The following TOPAZ1 variants were observed in gnomAD, a reference collection of about 807,000 sequenced individuals.
TOPAZ1 encodes the protein protein TOPAZ1.
A neutral mutation model predicts 172.2 loss-of-function variants in TOPAZ1; 66 were observed. The observed-to-expected ratio is 0.38, with a 90% confidence interval of 0.31 to 0.47. The LOEUF is 0.47. Among genes scored for constraint, TOPAZ1 ranks in the 20% least tolerant of loss-of-function variants. The pLI is 0.99. For synonymous variants in TOPAZ1, 681 were observed against 683.9 expected (o/e 1.00, Z 0.07); for missense variants, 1,822 against 1,972.4 (o/e 0.92, Z 1.44).
intron 19 of TOPAZ1, among the ~76,000 whole-genome samples, chr3:44,331,240 T>A (rs1700665071): frequency 6.6e-6 from 1 of 152,216 alleles, no homozygotes; most frequent in Non-Finnish European, 1.5e-5. Flanking sequence ...ACCAGTATTA[T>A]TTTTAAAATC....
Position 44,309,988 on chromosome 3 carries a change from G to C in TOPAZ1, c.4304G>C (p.Arg1435Thr). ...GSLDGAIWVM[R>T]ESEWIINTPL... ...CTAGATGGTGCCATTTGGGTAATGA[G>C]GGGTAAGTCCTGATATATGCAAGCA... The change falls in exon 16 of 20, where the codon AGG becomes ACG. Residue 1435 changes from arginine to threonine, a missense_variant and splice_region_variant. Arg to Thr is a moderately conservative substitution (Grantham distance 71). This residue lies in a region of TOPAZ1 where 333 missense variants were observed against 481.7 expected (regional missense o/e 0.69). Coordinates refer to ENST00000309765, the MANE Select transcript of TOPAZ1 (RefSeq NM_001145030.2). 6.5e-7 allele frequency: 1 copy of C among 1,547,584 alleles called. No homozygotes were observed. The highest frequency in any genetic ancestry group is 8.7e-7 in the Non-Finnish European group (1 of 1,145,964).
intron 2 of TOPAZ1, among the ~76,000 whole-genome samples, chr3:44,247,711 C>T (rs970929878): frequency 4.6e-5 from 7 of 151,994 alleles, no homozygotes; most frequent in African/African-American, 1.7e-4. Context: ...AGTGCAGTGG[C>T]GGATCTCGGC....
At position 44,242,353 on chromosome 3, in the gene TOPAZ1, A is replaced by C; in HGVS notation, c.300A>C (p.Leu100=). Residue 100 remains leucine, a synonymous_variant, in exon 1 of 20, where the codon CTA becomes CTC. Transcript: ENST00000309765. ...SPSDSSDPRG[L]EAAKEAELPL... ...CAGACTCGTCAGACCCGCGAGGCCT[A>C]GAAGCAGCAAAGGAGGCTGAACTCC... is the stretch of plus-strand genomic sequence containing the variant. The C allele has an allele frequency of 1.3e-6, 2 of 1,552,064 alleles. No individual in the cohort carries two copies. Among genetic ancestry groups the C allele is most frequent in the Non-Finnish European group, 1.7e-6 (2 of 1,147,104 alleles).
At chr3:44,253,763 T>C (rs981821644) in intron 2 of TOPAZ1, among the ~76,000 whole-genome samples, 2 of 152,240 alleles carry the variant, frequency 1.3e-5, no homozygotes, top group Admixed American at 1.3e-4. Flanking sequence ...TGGGAAAAAA[T>C]ACTTTGTTTT....
intron 8 of TOPAZ1, among the ~76,000 whole-genome samples, chr3:44,272,660 A>C (rs577487258): frequency 6.6e-6 from 1 of 152,216 alleles, no homozygotes; most frequent in East Asian, 1.9e-4. Context: ...CTCCTGGTTC[A>C]AGCGATTCTT....
At chr3:44,278,002 T>C (rs575253742) in intron 8 of TOPAZ1, among the ~76,000 whole-genome samples, 1 of 152,360 alleles carries the variant, frequency 6.6e-6, no homozygotes, top group Admixed American at 6.5e-5. Context: ...TTTATAGCAA[T>C]GCAAGAATGA....
chr3:44,265,485 G>T (rs774837284), intron 5 of TOPAZ1, among the ~76,000 whole-genome samples: 1 of 152,164 alleles, frequency 6.6e-6, no homozygotes, highest in Non-Finnish European at 1.5e-5. Context: ...GAACCCAGGA[G>T]GGGGAGGTTG....
chr3:44,251,380 C>A (rs1467591161), intron 2 of TOPAZ1, among the ~76,000 whole-genome samples: 1 of 152,182 alleles, frequency 6.6e-6, no homozygotes, highest in Non-Finnish European at 1.5e-5. Context: ...CATCAGCCTC[C>A]CAAATTGTGG....
At chr3:44,334,172 T>C (rs1575223766), downstream of TOPAZ1, among the ~76,000 whole-genome samples, 1 of 152,270 alleles carries the variant, frequency 6.6e-6, no homozygotes, top group Non-Finnish European at 1.5e-5. Flanking sequence ...ATTCCTCAGG[T>C]AAGGAGTTTT....
In TOPAZ1 at chr3:44,331,786, T is replaced by C; in HGVS notation, c.4860-6T>C. On this transcript the variant is annotated splice_region_variant and splice_polypyrimidine_tract_variant and intron_variant, in intron 19 of 19. Transcript: ENST00000309765. Reference sequence around the variant, plus strand: ...TTTCTGACTTTATGAGGTGTTCATTTTATAGGTGTGAAGACAACCAGTCTC... The same window carrying C: ...TTTCTGACTTTATGAGGTGTTCATTCTATAGGTGTGAAGACAACCAGTCTC... 6.5e-7 allele frequency: 1 copy of C among 1,549,070 alleles called. No homozygotes were observed. Among genetic ancestry groups the C allele is most frequent in the Non-Finnish European group, 8.7e-7 (1 of 1,144,660 alleles).
In TOPAZ1 at chr3:44,309,889, T is replaced by C. The variant is rs896539221; in HGVS notation, c.4205T>C (p.Ile1402Thr). The change falls in exon 16 of 20, where the codon ATA (isoleucine) becomes ACA (threonine). Residue 1402 changes from isoleucine (I) to threonine (T), a missense_variant. Coordinates refer to ENST00000309765, the MANE Select transcript of TOPAZ1 (RefSeq NM_001145030.2). ...CACTTTACAAGTTTAAAAGGACTTA[T>C]AGGGCCTGAGAAGTTAGCATCAAGA... ...KIHFTSLKGL[I>T]GPEKLASRCQ... The C allele has an allele frequency of 1.4e-5, 21 of 1,550,004 alleles. No homozygotes were observed. The highest frequency in any genetic ancestry group is 1.2e-4 in the Admixed American group (6 of 50,958).
At chr3:44,276,384 T>A (rs938151698) in intron 8 of TOPAZ1, among the ~76,000 whole-genome samples, 1 of 152,140 alleles carries the variant, frequency 6.6e-6, no homozygotes, top group Non-Finnish European at 1.5e-5. Context: ...TTCATTCTTC[T>A]GAATATGGAT....
intron 4 of TOPAZ1, among the ~76,000 whole-genome samples, chr3:44,257,652 T>A (rs1699730302): frequency 1.3e-5 from 2 of 151,834 alleles, no homozygotes; most frequent in East Asian, 3.9e-4. Context: ...ACTTCTTATT[T>A]TGAAATAGAG....
At chr3:44,317,186 C>T (rs898734897) in intron 16 of TOPAZ1, among the ~76,000 whole-genome samples, 10 of 152,264 alleles carry the variant, frequency 6.6e-5, no homozygotes, top group East Asian at 1.9e-4. Flanking sequence ...TTTGGGAGGC[C>T]GAGGCCGGTG....
chr3:44,289,887 A>C (rs1276084431), intron 11 of TOPAZ1, among the ~76,000 whole-genome samples: 9 of 152,182 alleles, frequency 5.9e-5, no homozygotes, highest in Non-Finnish European at 1.2e-4. Flanking sequence ...TTAAAAGGGG[A>C]ATTTTTCTGA....
At position 44,321,164 on chromosome 3, in the gene TOPAZ1, A is replaced by G; in HGVS notation, c.4444A>G (p.Asn1482Asp). ...LYRQTFEVLQ[N>D]LPGFQNSQET... ...TAGACAGACATTTGAAGTTTTGCAG[A>G]ATCTACCAGGTTTTCAAAATTCCCA... Residue 1482 changes from asparagine to aspartate, a missense_variant, in exon 17 of 20, where the codon AAT becomes GAT. Asn to Asp is a conservative substitution (Grantham distance 23, BLOSUM62 1). Coordinates refer to ENST00000309765, the MANE Select transcript of TOPAZ1 (RefSeq NM_001145030.2). The G allele has an allele frequency of 6.5e-7, 1 of 1,546,564 alleles. No homozygotes were observed.
chr3:44,273,768 A>G (rs1407260793), intron 8 of TOPAZ1, among the ~76,000 whole-genome samples: 1 of 152,238 alleles, frequency 6.6e-6, no homozygotes, highest in East Asian at 1.9e-4. Context: ...CATTTGGCAG[A>G]GAGACACACA....
chr3:44,298,228 G>A (rs1700221228), intron 12 of TOPAZ1, among the ~76,000 whole-genome samples: 1 of 152,134 alleles, frequency 6.6e-6, no homozygotes, highest in South Asian at 2.1e-4. Flanking sequence ...CTTTGGGAGG[G>A]AGAGGCAGGC....
At chr3:44,273,987 T>C (rs1365784852) in intron 8 of TOPAZ1, among the ~76,000 whole-genome samples, 3 of 152,152 alleles carry the variant, frequency 2.0e-5, no homozygotes, top group East Asian at 3.9e-4. Flanking sequence ...TCTTTGATGA[T>C]GAAAATGAGA....
Sources: gnomAD v4.1 joint callset for allele counts (sites outside exome capture counted in the v4.1 genomes callset) on GRCh38, gnomAD v4.1.1 for gene constraint, gnomAD v4.1.1 regional missense constraint, MANE v1.5 for transcripts, NCBI Gene and HGNC (gene_info 2026-07-23, HGNC 2026-07-21) for gene names.